DRC1: variants seen among roughly 807,000 people sequenced by gnomAD.
DRC1 encodes dynein regulatory complex protein 1.
In DRC1, 74 loss-of-function variants were observed where a neutral mutation model predicts 98.7. The ratio of observed to expected loss-of-function variants is 0.75; its 90% confidence interval spans 0.62 to 0.91. DRC1 has a LOEUF of 0.91. Among genes scored for constraint, DRC1 ranks in the 40% least tolerant of loss-of-function variants. The pLI is 0.00. For synonymous variants in DRC1, 336 were observed against 334.1 expected (o/e 1.01, Z -0.06); for missense variants, 875 against 886.0 (o/e 0.99, Z 0.16).
chr2:26,412,846 C>T (rs4352194), intron 1 of DRC1, among the ~76,000 whole-genome samples: 41,199 of 152,016 alleles, frequency 0.27, 5,826 homozygotes, highest in Middle Eastern at 0.34. Flanking sequence ...GGCGCTATCT[C>T]GGCTCGGCTC....
rs60317791 is a variant in DRC1 at position 26,439,922 on chromosome 2, A to AATATATATATATATATATAT, written c.889-441_889-440insTATATATATATATATATATA. Among the ~76,000 whole-genome samples, 94 of 43,430 alleles carry AATATATATATATATATATAT rather than the reference A, an allele frequency of 2.2e-3. 11 individuals carry two copies. Among genetic ancestry groups the AATATATATATATATATATAT allele is most frequent in the East Asian group, 4.4e-3 (15 of 3,428 alleles). The allele number at this position is 43,430 out of a possible 152,430, so 28.5% of individuals were successfully genotyped here. ...ACAAGCTAGGGCCAACTAGTGTGTG[A>AATATATATATATATATATAT]ATATATATATATATACACACACACA... On this transcript the variant is annotated intron_variant, in intron 7 of 16. Transcript: ENST00000288710.
chr2:26,444,668 G>A (rs1663804782), intron 9 of DRC1, 48 bp from the exon 10 acceptor site: 6 of 1,567,452 alleles, frequency 3.8e-6, no homozygotes, highest in Non-Finnish European at 5.3e-6. Flanking sequence ...GGGGACCCTG[G>A]CCAGGTCCTG....
chr2:26,447,918 A>G (rs2148003090), intron 10 of DRC1, among the ~76,000 whole-genome samples: 1 of 151,354 alleles, frequency 6.6e-6, no homozygotes, highest in African/African-American at 2.4e-5. Flanking sequence ...GTCAGCTGTC[A>G]GTTCTTGCTG....
At chr2:26,410,015 T>C (rs1678549372) in intron 1 of DRC1, among the ~76,000 whole-genome samples, 1 of 151,092 alleles carries the variant, frequency 6.6e-6, no homozygotes, top group African/African-American at 2.4e-5. Context: ...TTTGAAGTCT[T>C]TGGGGGAAAA....
chr2:26,442,122 C>T (rs977903465), intron 8 of DRC1, among the ~76,000 whole-genome samples: 3 of 152,176 alleles, frequency 2.0e-5, no homozygotes, highest in South Asian at 2.1e-4. Flanking sequence ...AGTAGAAGAG[C>T]GGGAGAGCAA....
At chr2:26,434,545 C>G (rs1332020638) in intron 7 of DRC1, among the ~76,000 whole-genome samples, 1 of 152,176 alleles carries the variant, frequency 6.6e-6, no homozygotes, top group African/African-American at 2.4e-5. Flanking sequence ...GTGCAAAGCA[C>G]AGAGATAAGC....
intron 4 of DRC1, among the ~76,000 whole-genome samples, chr2:26,427,552 G>A (rs1663318228): frequency 1.3e-5 from 2 of 152,128 alleles, no homozygotes; most frequent in South Asian, 2.1e-4. Context: ...CTTCAAGCAT[G>A]TATCATTTCT....
intron 2 of DRC1, among the ~76,000 whole-genome samples, chr2:26,416,779 T>C (rs895432575): frequency 5.9e-5 from 9 of 152,212 alleles, no homozygotes; most frequent in African/African-American, 1.9e-4. Flanking sequence ...TATCTATATG[T>C]CTGTCTGTAT....
rs1664103765 is a variant in DRC1 at position 26,454,937 on chromosome 2, G to C, written c.2063+147G>C. The C allele has an allele frequency of 2.8e-6, 4 of 1,433,022 alleles. No homozygotes were observed. The East Asian group carries it at 9.1e-5, about 33-fold the overall frequency. 88.8% of individuals were successfully genotyped at this position (1,433,022 alleles called of 1,614,324 possible). A position where few individuals can be genotyped will look rare whatever the true frequency, so the allele number is the denominator to read the frequency against. On this transcript the variant is annotated intron_variant, in intron 15 of 16. Transcript: ENST00000288710. This position sits in a 1 kb window ranked among gnomAD's most constrained non-coding sequence, Gnocchi z 5.2. ...CATCTCCTGTGTGGGTGGATCATGTGGGGCAGTTGGCTCTTGGGCCCTGGC... is the reference window on the plus strand; with the variant it reads ...CATCTCCTGTGTGGGTGGATCATGTCGGGCAGTTGGCTCTTGGGCCCTGGC...
chr2:26,434,020 ATT>A (rs904393557), intron 7 of DRC1, among the ~76,000 whole-genome samples: 2 of 152,208 alleles, frequency 1.3e-5, no homozygotes, highest in Non-Finnish European at 2.9e-5. Context: ...TCTTAAGTGT[ATT>A]TTCACTAGAC....
chr2:26,421,840 G>A (rs1214289345), intron 3 of DRC1, among the ~76,000 whole-genome samples: 2 of 152,162 alleles, frequency 1.3e-5, no homozygotes, highest in East Asian at 3.9e-4. Flanking sequence ...AATTACAGGC[G>A]TGAGCCACCG....
At chr2:26,445,425 T>C (rs1340132425) in intron 10 of DRC1, among the ~76,000 whole-genome samples, 1 of 152,232 alleles carries the variant, frequency 6.6e-6, no homozygotes, top group Admixed American at 6.5e-5. Context: ...TAGATGCTTA[T>C]TTTTTCTCTG....
chr2:26,418,813 GTATAGTATATATAATA>G (rs1300807349), intron 2 of DRC1, among the ~76,000 whole-genome samples: 1 of 124,626 alleles, frequency 8.0e-6, no homozygotes, highest in East Asian at 2.2e-4. Flanking sequence ...ATAATATATT[GTATAGTATATATAATA>G]TATAGTATAT....
rs377392095 is a variant in DRC1 at position 26,432,010 on chromosome 2, C to A, written c.888+4C>A. ...CAAGCTGGAGCAGGATGTGCAGGTG[C>A]AACAGCTGGTCCTCACTAGGGTGCC... On this transcript the variant is annotated splice_donor_region_variant and intron_variant, in intron 7 of 16. Transcript: ENST00000288710. The A allele has an allele frequency of 3.7e-6, 6 of 1,613,468 alleles. No individual in the cohort carries two copies. The African/African-American group carries it at 6.7e-5, about 18-fold the overall frequency.
intron 2 of DRC1, among the ~76,000 whole-genome samples, chr2:26,418,682 T>A (rs1192710105): frequency 1.1e-5 from 1 of 87,538 alleles, no homozygotes; most frequent in African/African-American, 4.4e-5. Flanking sequence ...TAAATATAAT[T>A]TATATTATAT....
At chr2:26,409,239 T>G (rs1368113884) in intron 1 of DRC1, among the ~76,000 whole-genome samples, 1 of 152,196 alleles carries the variant, frequency 6.6e-6, no homozygotes, top group Non-Finnish European at 1.5e-5. Context: ...CCCCATCAGC[T>G]TGTTTTTAAT....
chr2:26,413,610 CA>C (rs1022945435), intron 1 of DRC1, among the ~76,000 whole-genome samples: 39 of 152,206 alleles, frequency 2.6e-4, no homozygotes, highest in African/African-American at 8.7e-4. Context: ...GCCTATTTGC[CA>C]TTTGTATTTC....
At chr2:26,424,537 G>T in intron 4 of DRC1, 83 bp downstream of exon 4, 1 of 1,346,960 alleles carries the variant, frequency 7.4e-7, no homozygotes, top group Non-Finnish European at 1.0e-6. Context: ...TTCCTGAATG[G>T]AAAAATGTAG....
In DRC1 at chr2:26,444,588, G is replaced by A. The variant is rs147947674; in HGVS notation, c.1164-128G>A. The stretch of plus-strand genomic sequence containing the variant: ...AGTTTATCGTAAGTGGGAATCAGCC[G>A]CCCAGGGATGGGGCCAGGCCCAGGA... On this transcript the variant is annotated intron_variant, in intron 9 of 16. Coordinates refer to ENST00000288710, the MANE Select transcript of DRC1 (RefSeq NM_145038.5). The A allele has an allele frequency of 1.0e-3, 1,109 of 1,060,552 alleles. 10 individuals carry two copies. The African/African-American group carries it at 0.016, about 15-fold the overall frequency. The allele number at this position is 1,060,552 out of a possible 1,614,324, so 65.7% of individuals were successfully genotyped here.
Sources: gnomAD v4.1 joint callset for allele counts (sites outside exome capture counted in the v4.1 genomes callset) on GRCh38, gnomAD v4.1.1 for gene constraint, Gnocchi (gnomAD v3.1) non-coding constraint, MANE v1.5 for transcripts, NCBI Gene and HGNC (gene_info 2026-07-23, HGNC 2026-07-21) for gene names.